Variants in ELMO1 observed in about 807,000 individuals in gnomAD.
ELMO1 encodes the protein engulfment and cell motility protein 1.
Under a neutral mutation model 98.9 loss-of-function variants are expected in ELMO1, and 26 were observed. That is an observed-to-expected ratio of 0.26 (90% CI 0.19 to 0.36). ELMO1 has a LOEUF of 0.36. ELMO1 is among the 10% of genes least tolerant of loss of function. The probability of loss-of-function intolerance (pLI) is 1.00; values close to 1 mark genes in which losing one functional copy is unlikely to be tolerated. For synonymous variants in ELMO1, 346 were observed against 346.0 expected (o/e 1.00, Z 0.00); for missense variants, 627 against 935.2 (o/e 0.67, Z 4.30).
At chr7:36,910,678 C>T (rs938550013) in intron 16 of ELMO1, among the ~76,000 whole-genome samples, 2 of 152,160 alleles carry the variant, frequency 1.3e-5, no homozygotes, top group African/African-American at 4.8e-5. Context: ...GTGTACAGTG[C>T]AGACCTTGCA....
intron 1 of ELMO1, among the ~76,000 whole-genome samples, chr7:37,448,459 A>G (rs1441105460): frequency 6.6e-6 from 1 of 151,656 alleles, no homozygotes; most frequent in Non-Finnish European, 1.5e-5. Flanking sequence ...CCAACTGCAG[A>G]GCGCCCCGAC....
At chr7:37,349,387 C>T (rs1801155081) in intron 1 of ELMO1, among the ~76,000 whole-genome samples, 2 of 152,202 alleles carry the variant, frequency 1.3e-5, no homozygotes, top group African/African-American at 2.4e-5. Context: ...AGGAGGATCA[C>T]CCACTGAAAG....
At chr7:37,181,393 T>C (rs1370980350) in intron 13 of ELMO1, among the ~76,000 whole-genome samples, 2 of 152,132 alleles carry the variant, frequency 1.3e-5, no homozygotes, top group Non-Finnish European at 2.9e-5. Context: ...CTCTGTGGGC[T>C]ACTCTTCACA....
chr7:36,871,203 T>C (rs377159878), intron 19 of ELMO1, among the ~76,000 whole-genome samples: 2 of 152,152 alleles, frequency 1.3e-5, no homozygotes, highest in Non-Finnish European at 2.9e-5. Context: ...AGAAAAGATA[T>C]GGAAGGGTTT....
At chr7:37,148,173 T>G (rs1038421518) in intron 13 of ELMO1, among the ~76,000 whole-genome samples, 14 of 152,300 alleles carry the variant, frequency 9.2e-5, no homozygotes, top group South Asian at 2.1e-4. Flanking sequence ...CGCAAGGCAC[T>G]GTGCAAGACA....
chr7:37,410,335 G>A (rs1192638852), intron 1 of ELMO1, among the ~76,000 whole-genome samples: 1 of 152,202 alleles, frequency 6.6e-6, no homozygotes, highest in Non-Finnish European at 1.5e-5. Flanking sequence ...AACAAGTTTA[G>A]TAAAACCTGG....
chr7:37,227,487 G>T (rs1216086524), intron 8 of ELMO1, among the ~76,000 whole-genome samples: 1 of 152,158 alleles, frequency 6.6e-6, no homozygotes, highest in Non-Finnish European at 1.5e-5. Context: ...TCCAGTTCAA[G>T]CAATTCTCCT....
At chr7:37,155,462 G>T (rs1193416110) in intron 13 of ELMO1, among the ~76,000 whole-genome samples, 1 of 113,238 alleles carries the variant, frequency 8.8e-6, no homozygotes, top group Non-Finnish European at 1.8e-5. Flanking sequence ...AAAATAAAGG[G>T]ATGGAGGAAG....
chr7:37,143,441 C>G (rs577111086), intron 13 of ELMO1, among the ~76,000 whole-genome samples: 1 of 152,194 alleles, frequency 6.6e-6, no homozygotes, highest in African/African-American at 2.4e-5. Flanking sequence ...GAGTCTCGCT[C>G]TGTCACCCAG....
intron 1 of ELMO1, among the ~76,000 whole-genome samples, chr7:37,350,373 G>A (rs1032832960): frequency 1.8e-4 from 27 of 152,104 alleles, no homozygotes; most frequent in African/African-American, 3.1e-4. Flanking sequence ...GCAATATAAT[G>A]GAAACTTGCA....
intron 16 of ELMO1, among the ~76,000 whole-genome samples, chr7:36,951,680 G>A (rs1311846173): frequency 1.3e-5 from 2 of 152,210 alleles, no homozygotes; most frequent in African/African-American, 4.8e-5. Flanking sequence ...CTCTGGCCAC[G>A]CCATTCAAAA....
At chr7:36,919,381 C>G in intron 16 of ELMO1, 4 of 532,752 alleles carry the variant, frequency 7.5e-6, no homozygotes, top group Non-Finnish European at 1.5e-5. Context: ...AATTCCTGAA[C>G]CAATCTCTCT....
intron 15 of ELMO1, among the ~76,000 whole-genome samples, chr7:37,022,466 C>T (rs542529801): frequency 2.9e-4 from 44 of 152,106 alleles, no homozygotes; most frequent in Non-Finnish European, 3.1e-4. Flanking sequence ...GGCCAATGAA[C>T]ACATGAAAAG....
chr7:37,105,344 C>T (rs1784886238), intron 14 of ELMO1, among the ~76,000 whole-genome samples: 1 of 152,184 alleles, frequency 6.6e-6, no homozygotes, highest in African/African-American at 2.4e-5. Flanking sequence ...AGGGGCAATC[C>T]CCCAGCTGAC....
chr7:37,381,101 A>G (rs1802560708), intron 1 of ELMO1, among the ~76,000 whole-genome samples: 1 of 152,248 alleles, frequency 6.6e-6, no homozygotes. Context: ...CTGCTCATCC[A>G]CAAATGACCA....
Position 37,288,463 on chromosome 7 carries a change from G to A in ELMO1, c.193-16581C>T, listed in dbSNP as rs1797512564. On this transcript the variant is annotated intron_variant, in intron 4 of 21. Transcript: ENST00000310758. ...TGGTCTTGAACTCTCCACCTCAGGT[G>A]ATCCGCCCACCTCATCCTCCCAAAG... 2.0e-5 allele frequency among the ~76,000 whole-genome samples: 3 copies of A among 152,306 alleles called. No homozygotes were observed. The South Asian group carries it at 6.2e-4, about 32-fold the overall frequency.
intron 16 of ELMO1, among the ~76,000 whole-genome samples, chr7:36,915,922 C>A (rs571487764): frequency 2.0e-5 from 3 of 152,112 alleles, no homozygotes; most frequent in African/African-American, 4.8e-5. Context: ...AGGTTCTGGG[C>A]GGCTAACTGA....
intron 16 of ELMO1, among the ~76,000 whole-genome samples, chr7:36,941,676 C>A (rs1005377037): frequency 1.3e-5 from 2 of 152,160 alleles, no homozygotes; most frequent in African/African-American, 4.8e-5. Flanking sequence ...AATAGAATGC[C>A]AAACCTAATA....
chr7:37,162,771 A>G (rs1789315179), intron 13 of ELMO1, among the ~76,000 whole-genome samples: 1 of 152,216 alleles, frequency 6.6e-6, no homozygotes, highest in Non-Finnish European at 1.5e-5. Context: ...GCCTTTGAAA[A>G]TTTTAGTATA....
Sources: gnomAD v4.1 joint callset for allele counts (sites outside exome capture counted in the v4.1 genomes callset) on GRCh38, gnomAD v4.1.1 for gene constraint, MANE v1.5 for transcripts, NCBI Gene and HGNC (gene_info 2026-07-23, HGNC 2026-07-21) for gene names.